PRIM2: variants seen among roughly 807,000 people sequenced by gnomAD.
PRIM2 encodes DNA primase large subunit.
A neutral mutation model predicts 67.3 loss-of-function variants in PRIM2; 39 were observed. That is an observed-to-expected ratio of 0.58 (90% CI 0.45 to 0.76). PRIM2 has a LOEUF of 0.76. PRIM2 is among the 30% of genes least tolerant of loss of function. The pLI is 0.00. For synonymous variants in PRIM2, 143 were observed against 198.7 expected, an observed-to-expected ratio of 0.72 and a Z score of 2.36; for missense variants, 398 against 598.7, an observed-to-expected ratio of 0.66 and a Z score of 3.50.
At chr6:57,304,710 TG>T in the PRIM2 span, among the ~76,000 whole-genome samples, 1 of 152,228 alleles carries the variant, frequency 6.6e-6, no homozygotes, top group Middle Eastern at 3.4e-3. Context: ...TGGGGCATTG[TG>T]GGGCAGAGAC....
intron 13 of PRIM2, among the ~76,000 whole-genome samples, chr6:57,642,032 C>G (rs1391783795): frequency 1.3e-5 from 2 of 152,218 alleles, no homozygotes; most frequent in African/African-American, 4.8e-5. Context: ...ACATATACAA[C>G]ATGGAATACT....
At chr6:57,606,739 G>T (rs1452077236) in intron 12 of PRIM2, among the ~76,000 whole-genome samples, 77 of 152,260 alleles carry the variant, frequency 5.1e-4, no homozygotes, top group Admixed American at 4.6e-3. Context: ...TCTCAATTGA[G>T]GACTACATCT....
At chr6:57,501,424 T>A (rs1774129269) in intron 7 of PRIM2, among the ~76,000 whole-genome samples, 1 of 152,030 alleles carries the variant, frequency 6.6e-6, no homozygotes, top group Non-Finnish European at 1.5e-5. Context: ...CTCAGCCTCC[T>A]GAGTAGCTGG....
chr6:57,346,142 G>A (rs79397831), intron 5 of PRIM2, among the ~76,000 whole-genome samples: 3 of 152,028 alleles, frequency 2.0e-5, no homozygotes, highest in East Asian at 1.9e-4. Context: ...CTGACCCTTT[G>A]TCTCATCCTG....
At chr6:57,263,146 A>G in the PRIM2 span, among the ~76,000 whole-genome samples, 1 of 152,228 alleles carries the variant, frequency 6.6e-6, no homozygotes, top group African/African-American at 2.4e-5. Context: ...AGATAGTATA[A>G]GTTCTTCAAA....
chr6:57,584,366 A>G (rs1304587094), intron 10 of PRIM2, among the ~76,000 whole-genome samples: 3 of 152,300 alleles, frequency 2.0e-5, no homozygotes, highest in Non-Finnish European at 4.4e-5. Flanking sequence ...CTTTTGATCT[A>G]TTGACATCAC....
the PRIM2 span, among the ~76,000 whole-genome samples, chr6:57,274,018 A>G: frequency 0.21 from 32,690 of 152,096 alleles, 4,751 homozygotes; most frequent in African/African-American, 0.41. Flanking sequence ...CCGGCCGTGT[A>G]AGGTGTCAGT....
At chr6:57,405,880 T>C (rs1160072593) in intron 7 of PRIM2, among the ~76,000 whole-genome samples, 30 of 152,106 alleles carry the variant, frequency 2.0e-4, no homozygotes, top group Non-Finnish European at 3.7e-4. Flanking sequence ...TATTAAAAAA[T>C]TAGAAACCTG....
At chr6:57,394,032 T>C (rs1489427711) in intron 7 of PRIM2, among the ~76,000 whole-genome samples, 1 of 152,190 alleles carries the variant, frequency 6.6e-6, no homozygotes, top group African/African-American at 2.4e-5. Context: ...TGCCTGTTTT[T>C]ATACCAGTAC....
chr6:57,487,793 C>T (rs1304267021), intron 7 of PRIM2, among the ~76,000 whole-genome samples: 3 of 151,926 alleles, frequency 2.0e-5, no homozygotes, highest in African/African-American at 7.3e-5. Flanking sequence ...TCAATTAATT[C>T]GAAATAGGAG....
At chr6:57,611,903 C>T (rs1300412608) in intron 12 of PRIM2, among the ~76,000 whole-genome samples, 84,493 of 151,390 alleles carry the variant, frequency 0.56, 24,762 homozygotes, top group African/African-American at 0.74. Flanking sequence ...AACTCAGTAA[C>T]TAGAAAACAG....
At chr6:57,543,276 A>G (rs1302138584) in intron 10 of PRIM2, among the ~76,000 whole-genome samples, 21 of 152,126 alleles carry the variant, frequency 1.4e-4, no homozygotes, top group Admixed American at 9.2e-4. Flanking sequence ...GATGTTAAAC[A>G]TTTTTTATAG....
chr6:57,261,594 A>T, the PRIM2 span, among the ~76,000 whole-genome samples: 2 of 152,180 alleles, frequency 1.3e-5, no homozygotes, highest in African/African-American at 2.4e-5. Flanking sequence ...TCTGCTCTCC[A>T]TGGCAATGTC....
intron 10 of PRIM2, among the ~76,000 whole-genome samples, chr6:57,578,683 T>G (rs1346983468): frequency 2.9e-5 from 4 of 137,058 alleles, no homozygotes; most frequent in Non-Finnish European, 3.0e-5. Flanking sequence ...TTTGTTTTTT[T>G]TTTTTTTTTT....
At chr6:57,615,325 G>A (rs1333631230) in intron 12 of PRIM2, among the ~76,000 whole-genome samples, 1 of 151,738 alleles carries the variant, frequency 6.6e-6, no homozygotes, top group Non-Finnish European at 1.5e-5. Flanking sequence ...AGGCTGAGGT[G>A]GGAGGATTGC....
chr6:57,387,677 A>T (rs1236754907), intron 7 of PRIM2, among the ~76,000 whole-genome samples: 1 of 152,076 alleles, frequency 6.6e-6, no homozygotes, highest in Non-Finnish European at 1.5e-5. Flanking sequence ...GAATAGATTG[A>T]TAACCAGTTA....
chr6:57,619,418 A>G (rs1241090641), intron 12 of PRIM2, among the ~76,000 whole-genome samples: 2 of 152,194 alleles, frequency 1.3e-5, no homozygotes, highest in African/African-American at 4.8e-5. Context: ...CCAAGAAGAA[A>G]TCCCTGATAT....
In PRIM2 at chr6:57,617,346, C is replaced by A. The variant is rs1776773634; in HGVS notation, c.1230+10889C>A. ...CTTAATGACCTCATTTTGATTACCT[C>A]TGTAAATAACCTATTTCCAAATAAG... On this transcript the variant is annotated intron_variant, in intron 12 of 13. Transcript: ENST00000615550. Among the ~76,000 whole-genome samples, 4 of 152,282 alleles carry A rather than the reference C, an allele frequency of 2.6e-5. No individual in the cohort carries two copies. The South Asian group carries it at 8.3e-4, about 32-fold the overall frequency.
At chr6:57,290,809 C>A in the PRIM2 span, among the ~76,000 whole-genome samples, 1 of 152,112 alleles carries the variant, frequency 6.6e-6, no homozygotes, top group Admixed American at 6.5e-5. Flanking sequence ...CCAATGCGAA[C>A]AAAGACACAA....
Sources: allele counts gnomAD v4.1 joint callset (sites outside exome capture counted in the v4.1 genomes callset), GRCh38; gene constraint gnomAD v4.1.1; transcripts MANE v1.5; gene names NCBI Gene and HGNC (gene_info 2026-07-23, HGNC 2026-07-21).